Variants in SYCP1 observed in about 807,000 individuals in gnomAD.
SYCP1 encodes the protein synaptonemal complex protein 1.
In SYCP1, 64 loss-of-function variants were observed where a neutral mutation model predicts 153.1. The ratio of observed to expected loss-of-function variants is 0.42; its 90% CI spans 0.34 to 0.51. SYCP1 has a LOEUF of 0.51. Among genes scored for constraint, SYCP1 ranks in the 20% least tolerant of loss-of-function variants. The probability of loss-of-function intolerance (pLI) is 0.06; values close to 1 mark genes in which losing one functional copy is unlikely to be tolerated. For synonymous variants in SYCP1, 384 were observed against 341.8 expected (o/e 1.12, Z -1.36); for missense variants, 997 against 1,049.0 (o/e 0.95, Z 0.68).
At chr1:114,869,533 T>C (rs1399723444) in intron 8 of SYCP1, among the ~76,000 whole-genome samples, 2 of 152,166 alleles carry the variant, frequency 1.3e-5, no homozygotes, top group African/African-American at 2.4e-5. Context: ...AGTCTGTAAA[T>C]GTCAAGGTGA....
rs763738837 is a variant in SYCP1 at position 114,977,653 on chromosome 1, A to G, written c.2382+37A>G. ...TAATTCTCATAGTTTTAAAATACCA[A>G]TTCATTTTCTAACTTCTACTTAGAA... On this transcript the variant is annotated intron_variant, in intron 28 of 31. Transcript: ENST00000369522. The G allele has an allele frequency of 1.2e-5, 15 of 1,284,472 alleles. No individual in the cohort carries two copies. The South Asian group carries it at 2.3e-4, about 20-fold the overall frequency. The allele number at this position is 1,284,472 out of a possible 1,614,324, so 79.6% of individuals were successfully genotyped here.
chr1:114,954,871 G>A (rs1365169754), intron 27 of SYCP1, among the ~76,000 whole-genome samples: 1 of 152,114 alleles, frequency 6.6e-6, no homozygotes, highest in Non-Finnish European at 1.5e-5. Flanking sequence ...GAGCCACCGC[G>A]CCTGGCCTTT....
At chr1:114,958,058 T>C (rs1400618349) in intron 27 of SYCP1, among the ~76,000 whole-genome samples, 1 of 152,082 alleles carries the variant, frequency 6.6e-6, no homozygotes, top group East Asian at 1.9e-4. Flanking sequence ...AGTGATTGGA[T>C]AAAGAAAATG....
At chr1:114,868,131 C>CT (rs771791862) in intron 8 of SYCP1, among the ~76,000 whole-genome samples, 143 of 141,724 alleles carry the variant, frequency 1.0e-3, no homozygotes, top group Middle Eastern at 3.8e-3. Flanking sequence ...TTTTTTTATA[C>CT]TTTTTTTTTT....
At chr1:114,960,737 G>A (rs1326570485) in intron 27 of SYCP1, among the ~76,000 whole-genome samples, 1 of 152,068 alleles carries the variant, frequency 6.6e-6, no homozygotes, top group African/African-American at 2.4e-5. Flanking sequence ...TTTTTGATAT[G>A]CTGTTAGACT....
rs1201289446 is a variant in SYCP1 at position 114,870,354 on chromosome 1, T to C, written c.599-4152T>C. On this transcript the variant is annotated intron_variant, in intron 8 of 31. Coordinates refer to ENST00000369522, the MANE Select transcript of SYCP1 (RefSeq NM_003176.4). Reference sequence around the variant, plus strand: ...ATGGCCCTCTTTATATCTGACAACTTTCCTTGCTTTGAAGTTGGCTGTGTC... The same window carrying C: ...ATGGCCCTCTTTATATCTGACAACTCTCCTTGCTTTGAAGTTGGCTGTGTC... Among the ~76,000 whole-genome samples the C allele has an allele frequency of 2.0e-5, 3 of 152,308 alleles. No individual in the cohort carries two copies. In the South Asian group the frequency reaches 6.2e-4, roughly 32 times the overall value.
At chr1:114,914,418 C>A (rs1268093517) in intron 20 of SYCP1, among the ~76,000 whole-genome samples, 1 of 149,724 alleles carries the variant, frequency 6.7e-6, no homozygotes, top group African/African-American at 2.4e-5. Flanking sequence ...TTTTTTTTTA[C>A]ATTTTAAAAA....
chr1:114,971,132 G>A (rs1004829174), intron 27 of SYCP1, among the ~76,000 whole-genome samples: 14 of 152,120 alleles, frequency 9.2e-5, no homozygotes, highest in African/African-American at 2.7e-4. Flanking sequence ...TAAGTATTCA[G>A]GTTTCTCAGG....
At chr1:114,912,180 A>G (rs1056738172) in intron 18 of SYCP1, among the ~76,000 whole-genome samples, 3 of 151,776 alleles carry the variant, frequency 2.0e-5, no homozygotes, top group South Asian at 4.2e-4. Context: ...CTAATTCTCT[A>G]TTTCTGGTAC....
At chr1:114,892,129 C>T (rs1666747180) in intron 15 of SYCP1, among the ~76,000 whole-genome samples, 1 of 151,938 alleles carries the variant, frequency 6.6e-6, no homozygotes, top group Non-Finnish European at 1.5e-5. Flanking sequence ...GCAGTGTGAT[C>T]CCTAGGCTCT....
intron 14 of SYCP1, 137 bp from the exon 15 acceptor site, chr1:114,887,489 G>T: frequency 2.1e-6 from 1 of 477,142 alleles, no homozygotes; most frequent in Non-Finnish European, 3.8e-6. Flanking sequence ...TGCAGAGTAG[G>T]TACTTAATAA....
chr1:114,939,367 C>A (rs1670241086), intron 23 of SYCP1, among the ~76,000 whole-genome samples: 2 of 151,976 alleles, frequency 1.3e-5, no homozygotes, highest in Non-Finnish European at 2.9e-5. Context: ...GTGGCTTTAT[C>A]CACAATGATA....
intron 23 of SYCP1, among the ~76,000 whole-genome samples, chr1:114,939,183 T>C (rs969704101): frequency 2.0e-5 from 3 of 152,138 alleles, no homozygotes; most frequent in African/African-American, 4.8e-5. Flanking sequence ...GATGAATGGG[T>C]AGACTAAATG....
At position 114,856,588 on chromosome 1, in the gene SYCP1, A is replaced by C; in HGVS notation, c.124A>C (p.Thr42Pro). 6.2e-7 allele frequency: 1 copy of C among 1,610,868 alleles called. No individual in the cohort carries two copies. Among genetic ancestry groups the C allele is most frequent in the Non-Finnish European group, 8.5e-7 (1 of 1,178,776 alleles). Reference protein sequence around the residue: ...STFFKSFNKCTEDDFEFPFAK... With the variant: ...STFFKSFNKCPEDDFEFPFAK... ...GTGTCTCTAGAGTTTCAACAAATGT[A>C]CTGAAGATGATTTTGAGTTTCCATT... The change falls in exon 3 of 32, where the codon ACT becomes CCT. Residue 42 changes from threonine (T) to proline (P), a missense_variant. Coordinates refer to ENST00000369522, the MANE Select transcript of SYCP1 (RefSeq NM_003176.4).
intron 3 of SYCP1, 132 bp downstream of exon 3, chr1:114,856,789 TA>T: frequency 1.5e-6 from 1 of 675,446 alleles, no homozygotes; most frequent in Non-Finnish European, 2.3e-6. Context: ...ATACTTAATA[TA>T]AAAAATAAGG....
chr1:114,992,475 C>A (rs1192830937), intron 30 of SYCP1, among the ~76,000 whole-genome samples: 2 of 151,520 alleles, frequency 1.3e-5, no homozygotes, highest in East Asian at 3.9e-4. Context: ...GAATAGAGAG[C>A]CTAGAGATAA....
intron 20 of SYCP1, among the ~76,000 whole-genome samples, chr1:114,916,403 A>G (rs1191707162): frequency 3.3e-5 from 5 of 152,044 alleles, no homozygotes; most frequent in Non-Finnish European, 4.4e-5. Context: ...TTAGTTTCCA[A>G]TAGGTTGTAT....
At chr1:114,913,598 G>A (rs1457914334) in intron 19 of SYCP1, among the ~76,000 whole-genome samples, 1 of 152,052 alleles carries the variant, frequency 6.6e-6, no homozygotes, top group Non-Finnish European at 1.5e-5. Flanking sequence ...GATCACTTCT[G>A]CTTTGGATAA....
chr1:114,970,155 C>G (rs1672388199), intron 27 of SYCP1, among the ~76,000 whole-genome samples: 1 of 152,152 alleles, frequency 6.6e-6, no homozygotes, highest in Non-Finnish European at 1.5e-5. Context: ...AATTTGAAAG[C>G]CTTGTCTTTG....
Sources: allele counts gnomAD v4.1 joint callset (sites outside exome capture counted in the v4.1 genomes callset), GRCh38; gene constraint gnomAD v4.1.1; transcripts MANE v1.5; gene names NCBI Gene and HGNC (gene_info 2026-07-23, HGNC 2026-07-21).